The following KMT2A variants were observed in gnomAD, a reference collection of about 807,000 sequenced individuals.
KMT2A encodes lysine methyltransferase 2A.
KMT2A carries 16 observed loss-of-function variants against 345.3 expected under a neutral mutation model. That is an observed-to-expected ratio of 0.05 (90% CI 0.03 to 0.07). KMT2A has a LOEUF of 0.07. Among genes scored for constraint, KMT2A ranks in the 10% least tolerant of loss-of-function variants. The pLI, the probability that KMT2A is intolerant of heterozygous loss-of-function variation, is 1.00. For missense variants in KMT2A, 3,272 were observed against 4,841.6 expected, an observed-to-expected ratio of 0.68 and a Z score of 9.62; for synonymous variants, 1,599 against 1,778.6, an observed-to-expected ratio of 0.90 and a Z score of 2.54.
intron 7 of KMT2A, 142 bp from the exon 8 acceptor site, chr11:118,482,280 G>A: frequency 1.1e-6 from 1 of 893,362 alleles, no homozygotes; most frequent in East Asian, 2.7e-5. Flanking sequence ...TTAAATTGGA[G>A]GTATTGTTTT....
chr11:118,482,753 A>G (rs1204952422), intron 8 of KMT2A, among the ~76,000 whole-genome samples: 1 of 102,582 alleles, frequency 9.7e-6, no homozygotes, highest in African/African-American at 3.8e-5. Context: ...TTATTTAAAC[A>G]AAAAAAAAAA....
intron 1 of KMT2A, among the ~76,000 whole-genome samples, chr11:118,451,854 A>G (rs1289032252): frequency 6.6e-6 from 1 of 152,088 alleles, no homozygotes; most frequent in Non-Finnish European, 1.5e-5. Context: ...CACATTTTTA[A>G]TACTTTGCAA....
chr11:118,477,823 T>C, intron 4 of KMT2A, 144 bp from the exon 5 acceptor site: 1 of 628,074 alleles, frequency 1.6e-6, no homozygotes. Context: ...TTGGCATTTT[T>C]AAACATTTAA....
chr11:118,462,150 C>T (rs2134231641), intron 1 of KMT2A, among the ~76,000 whole-genome samples: 1 of 152,128 alleles, frequency 6.6e-6, no homozygotes, highest in East Asian at 1.9e-4. Context: ...GACGGGGTTT[C>T]ACCATGCTGG....
In KMT2A at chr11:118,498,850, G is replaced by C. The variant is rs1386429642; in HGVS notation, c.5961+322G>C. The stretch of plus-strand genomic sequence containing the variant: ...TTATACCATCATATGGAGTATTTTC[G>C]CTGCCTTAAACATCCTCTGTGCTCT... On this transcript the variant is annotated intron_variant, in intron 22 of 35. Transcript: ENST00000534358. This position sits in a 1 kb window ranked among gnomAD's most constrained non-coding sequence, Gnocchi z 4.4. Among the ~76,000 whole-genome samples the C allele has an allele frequency of 1.3e-5, 2 of 152,024 alleles. No homozygotes were observed. Among genetic ancestry groups the C allele is most frequent in the Non-Finnish European group, 2.9e-5 (2 of 68,026 alleles).
chr11:118,518,489 T>C (rs782616287), intron 31 of KMT2A, among the ~76,000 whole-genome samples: 11 of 152,122 alleles, frequency 7.2e-5, no homozygotes, highest in Non-Finnish European at 1.5e-4. Flanking sequence ...TTTTAAACTT[T>C]AGTGAGGCTG....
rs373064982 is a variant in KMT2A at position 118,504,969 on chromosome 11, C to T, written c.9077C>T (p.Thr3026Ile). Reference protein sequence around the residue: ...EQGHGNNQDLTRNSSTPGLQV... With the variant: ...EQGHGNNQDLIRNSSTPGLQV... Reference sequence around the variant, plus strand: ...GGTCATGGCAACAATCAGGATTTAACTAGGAACAGTAGCACCCCTGGCCTT... The same window carrying T: ...GGTCATGGCAACAATCAGGATTTAATTAGGAACAGTAGCACCCCTGGCCTT... Residue 3026 changes from threonine (T) to isoleucine (I), a missense_variant, in exon 27 of 36, where the codon ACT becomes ATT. Thr to Ile is a moderately conservative substitution (Grantham distance 89). Transcript: ENST00000534358. The surrounding 1 kb of genome is among the most constrained non-coding windows in gnomAD (Gnocchi z 6.4). 6.2e-7 allele frequency: 1 copy of T among 1,614,190 alleles called. No homozygotes were observed.
intron 10 of KMT2A, 79 bp from the exon 11 acceptor site, chr11:118,488,535 T>C: frequency 6.7e-7 from 1 of 1,493,764 alleles, no homozygotes; most frequent in Non-Finnish European, 9.3e-7. Flanking sequence ...AAACCCAAAG[T>C]ATATAAGAAG....
chr11:118,486,592 G>A (rs190478808), intron 10 of KMT2A, among the ~76,000 whole-genome samples: 175 of 152,226 alleles, frequency 1.1e-3, no homozygotes, highest in African/African-American at 3.7e-3. Context: ...GAAAATCCAC[G>A]TCGGGTGCAG....
chr11:118,480,977 G>A (rs2134296369), intron 6 of KMT2A, among the ~76,000 whole-genome samples: 1 of 152,192 alleles, frequency 6.6e-6, no homozygotes, highest in African/African-American at 2.4e-5. Context: ...GCCAGCAGGT[G>A]TATATATTTA....
At chr11:118,487,675 T>TA (rs879952963) in intron 10 of KMT2A, among the ~76,000 whole-genome samples, 119 of 152,304 alleles carry the variant, frequency 7.8e-4, no homozygotes, top group African/African-American at 2.7e-3. Context: ...TGTATATTTT[T>TA]AAAAATCAAG....
At chr11:118,451,701 T>C (rs1324296291) in intron 1 of KMT2A, among the ~76,000 whole-genome samples, 1 of 151,160 alleles carries the variant, frequency 6.6e-6, no homozygotes, top group Non-Finnish European at 1.5e-5. Flanking sequence ...CCATCTTATG[T>C]AGCTGGTCTC....
chr11:118,470,497 G>A (rs561775), intron 2 of KMT2A, among the ~76,000 whole-genome samples: 126,522 of 152,134 alleles, frequency 0.83, 53,395 homozygotes, highest in Admixed American at 0.9. Flanking sequence ...TGAGAAATGA[G>A]ACATGGTTTC....
chr11:118,486,373 T>TG (rs199861855), intron 10 of KMT2A, among the ~76,000 whole-genome samples: 1,074 of 54,170 alleles, frequency 0.02, 17 homozygotes, highest in African/African-American at 0.072. Flanking sequence ...TTTGTTTCTC[T>TG]GGTTTTTTTT....
intron 31 of KMT2A, among the ~76,000 whole-genome samples, chr11:118,513,516 G>A (rs1276805196): frequency 6.6e-6 from 1 of 151,886 alleles, no homozygotes; most frequent in Non-Finnish European, 1.5e-5. Context: ...ACAGGTACAT[G>A]CATGGCTATT....
rs1950421407 is a variant in KMT2A at position 118,497,071 on chromosome 11, C to G, written c.5664+704C>G. ...CCAGGCTGGAGTGCAATGGCGTGAT[C>G]TCGGCTCACTACAACCTCCGCCTCC... On this transcript the variant is annotated intron_variant, in intron 20 of 35. Coordinates refer to ENST00000534358, the MANE Select transcript of KMT2A (RefSeq NM_001197104.2). This position sits in a 1 kb window ranked among gnomAD's most constrained non-coding sequence, Gnocchi z 4.8. Among the ~76,000 whole-genome samples the G allele has an allele frequency of 6.6e-6, 1 of 152,066 alleles. No homozygotes were observed. The highest frequency in any genetic ancestry group is 2.1e-4 in the South Asian group (1 of 4,820).
chr11:118,450,213 G>GT (rs1949506752), intron 1 of KMT2A: 1 of 150,262 alleles, frequency 6.7e-6, no homozygotes, highest in East Asian at 1.9e-4. Context: ...TTGAGTTTTT[G>GT]GTTTTTTTTT....
intron 2 of KMT2A, among the ~76,000 whole-genome samples, chr11:118,469,437 TA>T (rs2134251018): frequency 6.6e-6 from 1 of 152,332 alleles, no homozygotes; most frequent in African/African-American, 2.4e-5. Context: ...GAAACATTTT[TA>T]CCTGATTCTT....
Position 118,496,375 on chromosome 11 carries a change from CT to C in KMT2A, c.5664+11del, listed in dbSNP as rs1950409282. 6.3e-7 allele frequency: 1 copy of C among 1,587,936 alleles called. No individual in the cohort carries two copies. Among genetic ancestry groups the C allele is most frequent in the Non-Finnish European group, 8.6e-7 (1 of 1,156,326 alleles). ...GGTGATGACAGTGCTAATGTAAGTACTTTGCAACACAGGGCCCTAGTTAATA... is the reference window on the plus strand; with the variant it reads ...GGTGATGACAGTGCTAATGTAAGTACTTGCAACACAGGGCCCTAGTTAATA... On this transcript the variant is annotated intron_variant, in intron 20 of 35. Transcript: ENST00000534358. The surrounding 1 kb of genome is among the most constrained non-coding windows in gnomAD (Gnocchi z 4.7).
Sources: gnomAD v4.1 joint callset for allele counts (sites outside exome capture counted in the v4.1 genomes callset) on GRCh38, gnomAD v4.1.1 for gene constraint, Gnocchi (gnomAD v3.1) non-coding constraint, MANE v1.5 for transcripts, NCBI Gene and HGNC (gene_info 2026-07-23, HGNC 2026-07-21) for gene names.